HSPA4L: variants seen among roughly 807,000 people sequenced by gnomAD.
HSPA4L encodes the protein heat shock 70 kDa protein 4L.
HSPA4L carries 48 observed loss-of-function variants against 100.3 expected under a neutral mutation model. The observed-to-expected ratio is 0.48, with a 90% CI of 0.38 to 0.61. The LOEUF (loss-of-function observed/expected upper bound fraction) is 0.61. HSPA4L is among the 20% of genes least tolerant of loss of function. The pLI, the probability that HSPA4L is intolerant of heterozygous loss-of-function variation, is 0.00. For synonymous variants in HSPA4L, 319 were observed against 328.2 expected (o/e 0.97, Z 0.30); for missense variants, 886 against 988.6 (o/e 0.90, Z 1.39).
chr4:127,814,264 G>T (rs956594618), intron 12 of HSPA4L, among the ~76,000 whole-genome samples: 1 of 152,088 alleles, frequency 6.6e-6, no homozygotes, highest in South Asian at 2.1e-4. Flanking sequence ...GGCAGTTGAG[G>T]TTCCCATACA....
chr4:127,798,646 A>C lies in HSPA4L; in HGVS notation c.366A>C (p.Leu122Phe). The C allele has an allele frequency of 1.9e-6, 3 of 1,613,846 alleles. No homozygotes were observed. Among genetic ancestry groups the C allele is most frequent in the Non-Finnish European group, 2.5e-6 (3 of 1,179,812 alleles). The change falls in exon 4 of 19, where the codon TTA (leucine) becomes TTC (phenylalanine). Residue 122 changes from leucine to phenylalanine, a missense_variant. Coordinates refer to ENST00000296464, the MANE Select transcript of HSPA4L (RefSeq NM_014278.4). ...TTGAGCAAGTTACTGGAATGCTGTT[A>C]GCCAAGCTTAAAGAGACTTCAGAAA... ...FAIEQVTGML[L>F]AKLKETSENA...
At position 127,830,016 on chromosome 4, in the gene HSPA4L, G is replaced by A. The variant is rs544263885; in HGVS notation, c.2167-622G>A. Among the ~76,000 whole-genome samples the A allele has an allele frequency of 4.6e-5, 7 of 152,078 alleles. No homozygotes were observed. The South Asian group carries it at 1.5e-3, about 32-fold the overall frequency. On this transcript the variant is annotated intron_variant, in intron 17 of 18. Coordinates refer to ENST00000296464, the MANE Select transcript of HSPA4L (RefSeq NM_014278.4). The stretch of plus-strand genomic sequence containing the variant: ...TTTTCTTCATATATATAGCTTTATG[G>A]TTTTAAAAATGGCATCACCATCCTC...
rs199604287 is a variant in HSPA4L, at chr4:127,831,523, AG to A, written c.2328+726del. Among the ~76,000 whole-genome samples, 9 of 147,284 alleles carry A rather than the reference AG, an allele frequency of 6.1e-5. No homozygotes were observed. The East Asian group carries it at 1.1e-3, about 18-fold the overall frequency. On this transcript the variant is annotated intron_variant, in intron 18 of 18. Coordinates refer to ENST00000296464, the MANE Select transcript of HSPA4L (RefSeq NM_014278.4). ...TATTAAAAAAAAAAAAAAAAAAAAA[AG>A]GAAGCAATCTAAATATCTGTCAATA...
At chr4:127,822,307 A>T (rs906278818) in intron 14 of HSPA4L, among the ~76,000 whole-genome samples, 4 of 152,206 alleles carry the variant, frequency 2.6e-5, no homozygotes, top group Non-Finnish European at 5.9e-5. Flanking sequence ...TGGCATAATG[A>T]CTTCAAGATT....
chr4:127,813,235 G>A (rs936224437), intron 12 of HSPA4L: 14 of 962,700 alleles, frequency 1.5e-5, no homozygotes, highest in African/African-American at 6.4e-5. Flanking sequence ...GGTTCCAGCC[G>A]AAAGGCGATT....
chr4:127,803,662 G>A lies in HSPA4L; in HGVS notation c.697G>A (p.Gly233Ser), dbSNP rs756947318. The A allele has an allele frequency of 1.2e-6, 2 of 1,613,272 alleles. No homozygotes were observed. Among genetic ancestry groups the A allele is most frequent in the Admixed American group, 1.7e-5 (1 of 59,968 alleles). The stretch of plus-strand genomic sequence containing the variant: ...TACTACCTTTGATCCATATTTGGGT[G>A]GCAGGAACTTTGATGAGGCTTTAGT... The part of the protein sequence containing the change: ...LATTFDPYLG[G>S]RNFDEALVDY... Residue 233 changes from glycine to serine, a missense_variant, in exon 7 of 19, where the codon GGC becomes AGC. Gly to Ser is a moderately conservative substitution (Grantham distance 56, BLOSUM62 0). Transcript: ENST00000296464.
intron 1 of HSPA4L, among the ~76,000 whole-genome samples, chr4:127,786,846 A>G (rs546691968): frequency 1.5e-4 from 23 of 152,338 alleles, no homozygotes; most frequent in African/African-American, 5.5e-4. Context: ...CATACAAAAC[A>G]TATTAGTGTA....
At chr4:127,807,521 G>A (rs538817259) in intron 10 of HSPA4L, among the ~76,000 whole-genome samples, 128 of 152,128 alleles carry the variant, frequency 8.4e-4, no homozygotes, top group Admixed American at 2.4e-3. Flanking sequence ...GAAACAAATG[G>A]AGTAAAGTAG....
chr4:127,818,859 CAT>C (rs1457843934), intron 13 of HSPA4L, among the ~76,000 whole-genome samples: 1 of 149,766 alleles, frequency 6.7e-6, no homozygotes, highest in African/African-American at 2.5e-5. Flanking sequence ...ATAACCTGCA[CAT>C]GTGCCCTTGA....
chr4:127,821,820 GCTCT>G (rs1259657061), intron 14 of HSPA4L, among the ~76,000 whole-genome samples: 2 of 152,156 alleles, frequency 1.3e-5, no homozygotes, highest in South Asian at 2.1e-4. Context: ...ATGGAATTAT[GCTCT>G]CTGTTTAGGA....
At chr4:127,798,899 TATG>T (rs1428661853) in intron 4 of HSPA4L, among the ~76,000 whole-genome samples, 190 bp downstream of exon 4, 1 of 152,188 alleles carries the variant, frequency 6.6e-6, no homozygotes, top group Non-Finnish European at 1.5e-5. Flanking sequence ...TAAAATCAAT[TATG>T]ATGAGCAGTG....
In HSPA4L at chr4:127,801,976, C is replaced by T. The variant is rs780229326; in HGVS notation, c.663+58C>T. 53 of 1,394,064 alleles carry T rather than the reference C, an allele frequency of 3.8e-5. 1 individual carries two copies. The highest frequency in any genetic ancestry group is 2.1e-4 in the East Asian group (9 of 42,318). The allele number at this position is 1,394,064 out of a possible 1,614,324, so 86.4% of individuals were successfully genotyped here. A position where few individuals can be genotyped will look rare whatever the true frequency, so the allele number is the denominator to read the frequency against. ...ATGTTAAGAACACAGACTAAAGAAC[C>T]GTAATAGCTGGGTTCGAATCCTGGC... On this transcript the variant is annotated intron_variant, in intron 6 of 18. Transcript: ENST00000296464.
At chr4:127,819,069 G>A (rs1733746063) in intron 13 of HSPA4L, among the ~76,000 whole-genome samples, 1 of 151,906 alleles carries the variant, frequency 6.6e-6, no homozygotes, top group African/African-American at 2.4e-5. Context: ...AATATGAGAT[G>A]GAACAAGCTA....
At position 127,808,035 on chromosome 4, in the gene HSPA4L, C is replaced by G. The variant is rs1264645622; in HGVS notation, c.1284C>G (p.Phe428Leu). ...EVFCKNHPAPFSKVITFHKKE... is the reference protein window; with the variant it reads ...EVFCKNHPAPLSKVITFHKKE... ...TCTGTAAGAACCATCCTGCCCCATT[C>G]TCAAAAGTCATTACTTTCCACAAGA... The change falls in exon 11 of 19, where the codon TTC (phenylalanine) becomes TTG (leucine). Residue 428 changes from phenylalanine to leucine, a missense_variant. Coordinates refer to ENST00000296464, the MANE Select transcript of HSPA4L (RefSeq NM_014278.4). 2.5e-6 allele frequency: 4 copies of G among 1,612,560 alleles called. No homozygotes were observed. Among genetic ancestry groups the G allele is most frequent in the Admixed American group, 1.7e-5 (1 of 59,820 alleles).
At chr4:127,801,745 T>G (rs1459780585) in intron 5 of HSPA4L, 40 bp from the exon 6 acceptor site, 2 of 1,526,062 alleles carry the variant, frequency 1.3e-6, no homozygotes, top group Non-Finnish European at 8.9e-7. Flanking sequence ...TCCAAGTAAT[T>G]ACTGTGCTAG....
Position 127,819,126 on chromosome 4 carries a change from C to T in HSPA4L, c.1674+706C>T, listed in dbSNP as rs114474321. On this transcript the variant is annotated intron_variant, in intron 13 of 18. Coordinates refer to ENST00000296464, the MANE Select transcript of HSPA4L (RefSeq NM_014278.4). The stretch of plus-strand genomic sequence containing the variant: ...GTACTCTATATCTCAGAATTAACCA[C>T]TCTAATTATTTTGTTGCATATCATA... Among the ~76,000 whole-genome samples the T allele has an allele frequency of 2.5e-3, 378 of 152,186 alleles. 2 individuals carry two copies. Among genetic ancestry groups the T allele is most frequent in the South Asian group, 0.012 (60 of 4,824 alleles).
At chr4:127,817,088 CAG>C (rs1733688113) in intron 12 of HSPA4L, among the ~76,000 whole-genome samples, 1 of 152,022 alleles carries the variant, frequency 6.6e-6, no homozygotes, top group African/African-American at 2.4e-5. Context: ...TAATTTGAGA[CAG>C]AGTCTTGCTC....
chr4:127,825,225 T>C (rs961264174), intron 16 of HSPA4L, among the ~76,000 whole-genome samples: 1 of 152,158 alleles, frequency 6.6e-6, no homozygotes, highest in Admixed American at 6.5e-5. Context: ...AGTTCTTTAA[T>C]GTGCATATGA....
At chr4:127,818,734 A>AGGTGGAG (rs1300827124) in intron 13 of HSPA4L, among the ~76,000 whole-genome samples, 1 of 152,056 alleles carries the variant, frequency 6.6e-6, no homozygotes, top group Non-Finnish European at 1.5e-5. Flanking sequence ...GCTTACTGGA[A>AGGTGGAG]GGTGGAGGGT....
Sources: allele counts gnomAD v4.1 joint callset (sites outside exome capture counted in the v4.1 genomes callset), GRCh38; gene constraint gnomAD v4.1.1; transcripts MANE v1.5; gene names NCBI Gene and HGNC (gene_info 2026-07-23, HGNC 2026-07-21).